The following TANC2 variants were observed in gnomAD, a reference collection of about 807,000 sequenced individuals.
TANC2 encodes protein TANC2.
TANC2 carries 26 observed loss-of-function variants against 210.5 expected under a neutral mutation model. The ratio of observed to expected loss-of-function variants is 0.12; its 90% CI spans 0.09 to 0.17. The LOEUF is 0.17. Among genes scored for constraint, TANC2 ranks in the 10% least tolerant of loss-of-function variants. The pLI is 1.00. For missense variants in TANC2, 2,129 were observed against 2,608.9 expected, an observed-to-expected ratio of 0.82 and a Z score of 4.01; for synonymous variants, 931 against 967.1, an observed-to-expected ratio of 0.96 and a Z score of 0.69.
chr17:63,267,514 G>T (rs1163251397), intron 8 of TANC2, among the ~76,000 whole-genome samples: 1 of 152,042 alleles, frequency 6.6e-6, no homozygotes, highest in Non-Finnish European at 1.5e-5. Context: ...GCAAGCACAG[G>T]TTTATTATGT....
intron 17 of TANC2, among the ~76,000 whole-genome samples, chr17:63,392,015 C>G (rs2047995022): frequency 6.6e-6 from 1 of 152,330 alleles, no homozygotes; most frequent in African/African-American, 2.4e-5. Flanking sequence ...GCGTGAGCCA[C>G]CGTGCTCGGC....
intron 2 of TANC2, among the ~76,000 whole-genome samples, chr17:63,047,225 A>G (rs1003546194): frequency 6.6e-6 from 1 of 152,224 alleles, no homozygotes; most frequent in Non-Finnish European, 1.5e-5. Context: ...CAATATTAGA[A>G]AAACAAAAGT....
exon 7 of TANC2, chr17:63,200,869 C>A: frequency 2.5e-6 from 4 of 1,613,914 alleles, no homozygotes; most frequent in Non-Finnish European, 3.4e-6. Flanking sequence ...TCCCACCCAT[C>A]AGTACAAATG....
At chr17:63,232,852 G>A (rs1044417502) in intron 7 of TANC2, among the ~76,000 whole-genome samples, 3 of 152,246 alleles carry the variant, frequency 2.0e-5, no homozygotes, top group Admixed American at 6.5e-5. Flanking sequence ...AGCCAGCAGC[G>A]GGAAAGACTA....
At chr17:63,067,243 T>C (rs1192988803) in intron 2 of TANC2, among the ~76,000 whole-genome samples, 1 of 152,072 alleles carries the variant, frequency 6.6e-6, no homozygotes, top group Non-Finnish European at 1.5e-5. Flanking sequence ...AAAATAGCAA[T>C]TTGCAAGGGA....
intron 8 of TANC2, among the ~76,000 whole-genome samples, chr17:63,247,112 G>T (rs2042939107): frequency 6.6e-6 from 1 of 151,908 alleles, no homozygotes; most frequent in Admixed American, 6.6e-5. Flanking sequence ...TCAAACTTTA[G>T]CACATTTTCA....
chr17:63,238,134 G>T (rs2042674527), intron 8 of TANC2, 57 bp downstream of exon 8: 1 of 1,452,422 alleles, frequency 6.9e-7, no homozygotes, highest in Admixed American at 2.8e-5. Flanking sequence ...TTTTACTCCA[G>T]TATATATTGA....
At chr17:63,266,546 G>A (rs1215700886) in intron 8 of TANC2, among the ~76,000 whole-genome samples, 1 of 151,810 alleles carries the variant, frequency 6.6e-6, no homozygotes, top group African/African-American at 2.4e-5. Flanking sequence ...TTCCTTTTTT[G>A]CTTCTTAGTT....
intron 7 of TANC2, among the ~76,000 whole-genome samples, chr17:63,236,967 T>A (rs988603267): frequency 2.0e-5 from 3 of 152,216 alleles, no homozygotes; most frequent in Non-Finnish European, 4.4e-5. Context: ...AGTGCAGATA[T>A]CTTTTTGACA....
intron 8 of TANC2, among the ~76,000 whole-genome samples, chr17:63,259,997 T>C (rs775773282): frequency 6.6e-6 from 1 of 152,222 alleles, no homozygotes; most frequent in Non-Finnish European, 1.5e-5. Context: ...ATATACAGGG[T>C]ACATTACTTT....
At chr17:62,999,347 C>T (rs930250899) in intron 1 of TANC2, among the ~76,000 whole-genome samples, 9 of 152,130 alleles carry the variant, frequency 5.9e-5, no homozygotes, top group African/African-American at 2.2e-4. Flanking sequence ...AACTGCAAGC[C>T]AATTAAACCT....
At chr17:63,214,596 G>A (rs1486750425) in intron 7 of TANC2, among the ~76,000 whole-genome samples, 1 of 152,186 alleles carries the variant, frequency 6.6e-6, no homozygotes, top group East Asian at 1.9e-4. Flanking sequence ...ATCCCTTGTA[G>A]CTGAAGCCTT....
Position 63,318,953 on chromosome 17 carries a change from C to A in TANC2, c.1442-4C>A. Reference sequence around the variant, plus strand: ...ATGCAAACATCTAAATCTTTTTAATCCAGATGTGGATGCCAACAGAGAGCT... The same window carrying A: ...ATGCAAACATCTAAATCTTTTTAATACAGATGTGGATGCCAACAGAGAGCT... On this transcript the variant is annotated splice_region_variant and splice_polypyrimidine_tract_variant and intron_variant, in intron 10 of 27. Coordinates refer to ENST00000689528, the Ensembl canonical transcript of TANC2. 2 of 1,612,426 alleles carry A rather than the reference C, an allele frequency of 1.2e-6. No homozygotes were observed. The highest frequency in any genetic ancestry group is 1.3e-5 in the African/African-American group (1 of 74,976).
chr17:63,165,450 A>G (rs2040180243), intron 5 of TANC2, among the ~76,000 whole-genome samples: 1 of 152,166 alleles, frequency 6.6e-6, no homozygotes, highest in South Asian at 2.1e-4. Flanking sequence ...GAAAAGTTCC[A>G]TAGTGCTACT....
intron 2 of TANC2, among the ~76,000 whole-genome samples, chr17:63,026,530 A>G (rs1002111536): frequency 6.6e-6 from 1 of 152,142 alleles, no homozygotes; most frequent in African/African-American, 2.4e-5. Context: ...AGATTTGTTT[A>G]CTAGAGTGGC....
chr17:63,339,865 T>C (rs2046168517), intron 11 of TANC2, among the ~76,000 whole-genome samples: 1 of 152,230 alleles, frequency 6.6e-6, no homozygotes, highest in East Asian at 1.9e-4. Context: ...TTCTGGGTTA[T>C]GATATCATAT....
Position 63,420,711 on chromosome 17 carries a change from C to T in TANC2, c.4981C>T (p.Pro1661Ser). 5.0e-6 allele frequency: 8 copies of T among 1,613,972 alleles called. No individual in the cohort carries two copies. The highest frequency in any genetic ancestry group is 6.8e-6 in the Non-Finnish European group (8 of 1,179,868). ...AAGCGTCAGTCAGCTTCCTGGCAGACCCAAATCTCCATTATCCAAAATGGC... is the reference window on the plus strand; with the variant it reads ...AAGCGTCAGTCAGCTTCCTGGCAGATCCAAATCTCCATTATCCAAAATGGC... Residue 1661 changes from proline to serine, a missense_variant, in exon 28 of 28, where the codon CCC (proline) becomes TCC (serine). Physicochemically the swap from Pro to Ser is moderately conservative, Grantham distance 74. This residue lies in a region of TANC2 where 584 missense variants were observed against 627.3 expected (regional missense o/e 0.93). Transcript: ENST00000689528. This position sits in a 1 kb window ranked among gnomAD's most constrained non-coding sequence, Gnocchi z 4.2.
intron 3 of TANC2, among the ~76,000 whole-genome samples, chr17:63,095,537 A>G (rs1192939354): frequency 1.3e-5 from 2 of 152,094 alleles, no homozygotes; most frequent in Non-Finnish European, 2.9e-5. Context: ...TTTTCTGCCA[A>G]GAAGAGCATG....
chr17:63,073,970 G>A (rs1215467764), exon 3 of TANC2: 8 of 1,589,830 alleles, frequency 5.0e-6, no homozygotes, highest in South Asian at 4.6e-5. Flanking sequence ...CCACCGGATC[G>A]AAGACAGTCA....
Sources: allele counts gnomAD v4.1 joint callset (sites outside exome capture counted in the v4.1 genomes callset), GRCh38; gene constraint gnomAD v4.1.1; regional missense constraint gnomAD v4.1.1; non-coding constraint Gnocchi (gnomAD v3.1); transcripts MANE v1.5; gene names NCBI Gene and HGNC (gene_info 2026-07-23, HGNC 2026-07-21).